The following VRK2 variants were observed in gnomAD, a reference collection of about 807,000 sequenced individuals.
The protein encoded by VRK2 is serine/threonine-protein kinase VRK2.
Under a neutral mutation model 57.6 loss-of-function variants are expected in VRK2, and 60 were observed. That is an observed-to-expected ratio of 1.04 (90% confidence interval 0.85 to 1.29). The LOEUF is 1.29. Among genes scored for constraint, VRK2 ranks in the 50% most tolerant of loss-of-function variants. The pLI, the probability that VRK2 is intolerant of heterozygous loss-of-function variation, is 0.00. For synonymous variants in VRK2, 231 were observed against 199.2 expected (o/e 1.16, Z -1.35); for missense variants, 705 against 588.1 (o/e 1.20, Z -2.06).
intron 1 of VRK2, among the ~76,000 whole-genome samples, chr2:57,937,110 T>G (rs1486268244): frequency 6.6e-6 from 1 of 152,208 alleles, no homozygotes; most frequent in Non-Finnish European, 1.5e-5. Flanking sequence ...TAAAGGTAGC[T>G]TCTGGGTTAG....
At chr2:58,033,245 T>C (rs1674170016) in exon 3 of VRK2, 1 of 152,106 alleles carries the variant, frequency 6.6e-6, no homozygotes, top group Non-Finnish European at 1.5e-5. Context: ...AGAAGAATAT[T>C]TGAAGCTCTA....
chr2:58,042,759 A>C (rs1273353055), upstream of VRK2, among the ~76,000 whole-genome samples: 1 of 152,212 alleles, frequency 6.6e-6, no homozygotes, highest in Non-Finnish European at 1.5e-5. Context: ...TGAATCATTC[A>C]TAGCCTGTAA....
At chr2:57,915,220 C>T (rs1670107622) in intron 1 of VRK2, among the ~76,000 whole-genome samples, 1 of 152,076 alleles carries the variant, frequency 6.6e-6, no homozygotes, top group African/African-American at 2.4e-5. Context: ...AAGCAAAAGA[C>T]ATTAATGTGA....
At chr2:57,911,719 T>C (rs1362050262) in intron 1 of VRK2, among the ~76,000 whole-genome samples, 1 of 152,184 alleles carries the variant, frequency 6.6e-6, no homozygotes, top group African/African-American at 2.4e-5. Context: ...CATTTATGGA[T>C]ATAATTGGGG....
At chr2:58,026,814 G>T (rs1673942602) in intron 2 of VRK2, 1 of 151,948 alleles carries the variant, frequency 6.6e-6, no homozygotes, top group Non-Finnish European at 1.5e-5. Context: ...AACCTCCTTG[G>T]CTCAAGCAAT....
intron 1 of VRK2, among the ~76,000 whole-genome samples, chr2:57,964,808 A>T (rs1671863817): frequency 7.2e-6 from 1 of 138,858 alleles, no homozygotes; most frequent in Admixed American, 8.0e-5. Flanking sequence ...ATCACCTGAG[A>T]GGTGAAGGTT....
At chr2:57,988,795 G>A (rs1672675716) in intron 1 of VRK2, among the ~76,000 whole-genome samples, 1 of 152,102 alleles carries the variant, frequency 6.6e-6, no homozygotes, top group South Asian at 2.1e-4. Context: ...CCGGTTCCCT[G>A]GTGTACAAAC....
At chr2:58,000,015 C>T (rs1042721980) in intron 1 of VRK2, among the ~76,000 whole-genome samples, 3 of 152,070 alleles carry the variant, frequency 2.0e-5, no homozygotes, top group African/African-American at 7.2e-5. Context: ...CACACACGCA[C>T]ACACGCACAC....
intron 7 of VRK2, among the ~76,000 whole-genome samples, chr2:58,117,826 T>C (rs1676759814): frequency 1.3e-5 from 2 of 151,962 alleles, no homozygotes; most frequent in Non-Finnish European, 1.5e-5. Context: ...CTTAAGAATA[T>C]AGGCTAAGGG....
chr2:58,137,179 T>TC (rs1680427178), intron 10 of VRK2, among the ~76,000 whole-genome samples: 3 of 112,632 alleles, frequency 2.7e-5, no homozygotes, highest in South Asian at 5.0e-4. Context: ...ATATCATATA[T>TC]ATCATATATG....
chr2:58,128,338 A>T (rs181490291), intron 8 of VRK2, among the ~76,000 whole-genome samples: 11 of 151,208 alleles, frequency 7.3e-5, no homozygotes, highest in South Asian at 4.2e-4. Context: ...AGTAATTATT[A>T]TTTTTTTTTC....
intron 7 of VRK2, among the ~76,000 whole-genome samples, chr2:58,113,885 AAAAAT>A (rs1242074052): frequency 2.6e-5 from 4 of 152,180 alleles, no homozygotes; most frequent in Middle Eastern, 3.2e-3. Context: ...TATTAATAAG[AAAAAT>A]AAAACAAAAT....
rs1470174172 is a variant in VRK2 at position 58,037,829 on chromosome 2, T to C, written c.-6+4276T>C. 2.4e-4 allele frequency among the ~76,000 whole-genome samples: 36 copies of C among 152,100 alleles called. 1 individual carries two copies. The highest frequency in any genetic ancestry group is 2.2e-3 in the Admixed American group (33 of 15,260). ...ATGGCCAACAACTAATTTTACAAAG[T>C]ACAAATGCCTAATAAACAAATGAGA... On this transcript the variant is annotated intron_variant, in intron 3 of 15. Transcript: ENST00000417641.
chr2:58,084,664 G>T (rs1184390222), intron 3 of VRK2, among the ~76,000 whole-genome samples: 2 of 151,838 alleles, frequency 1.3e-5, no homozygotes, highest in Admixed American at 1.3e-4. Context: ...ACTGTATAGG[G>T]ATAGTGGTAC....
chr2:57,972,790 G>T (rs1348151306), intron 1 of VRK2, among the ~76,000 whole-genome samples: 1 of 151,596 alleles, frequency 6.6e-6, no homozygotes, highest in African/African-American at 2.4e-5. Context: ...ATTCATTGTT[G>T]TCTACAACAT....
intron 7 of VRK2, among the ~76,000 whole-genome samples, chr2:58,091,153 G>T (rs1046579646): frequency 1.5e-4 from 23 of 152,300 alleles, no homozygotes; most frequent in African/African-American, 5.3e-4. Flanking sequence ...TCATCATTTG[G>T]TTGTTAAGAT....
intron 6 of VRK2, 108 bp from the exon 7 acceptor site, chr2:58,089,523 T>G: frequency 1.8e-6 from 1 of 560,930 alleles, no homozygotes; most frequent in South Asian, 4.6e-5. Context: ...TACATCGCTT[T>G]GTCAATGTTA....
At chr2:58,135,038 A>C in intron 9 of VRK2, 103 bp from the exon 10 acceptor site, 1 of 1,245,716 alleles carries the variant, frequency 8.0e-7, no homozygotes, top group Non-Finnish European at 1.1e-6. Context: ...ATTGAAAGTC[A>C]CAATTTTGGT....
intron 7 of VRK2, among the ~76,000 whole-genome samples, chr2:58,098,812 G>T (rs1258484231): frequency 3.9e-5 from 6 of 152,036 alleles, no homozygotes; most frequent in African/African-American, 1.4e-4. Context: ...CTTAAGAAAA[G>T]ACAATAAAAA....
Sources: gnomAD v4.1 joint callset for allele counts (sites outside exome capture counted in the v4.1 genomes callset) on GRCh38, gnomAD v4.1.1 for gene constraint, MANE v1.5 for transcripts, NCBI Gene and HGNC (gene_info 2026-07-23, HGNC 2026-07-21) for gene names.